TDRD12: variants seen among roughly 807,000 people sequenced by gnomAD.
The protein encoded by TDRD12 is tudor domain containing 12.
A neutral mutation model predicts 133.5 loss-of-function variants in TDRD12; 158 were observed. That is an observed-to-expected ratio of 1.18 (90% CI 1.04 to 1.35). The LOEUF (loss-of-function observed/expected upper bound fraction) is 1.35, where lower values mean the gene tolerates loss of function less well. TDRD12 is among the 40% of genes most tolerant of loss of function. TDRD12 has a pLI of 0.00. For synonymous variants in TDRD12, 460 were observed against 477.9 expected, an observed-to-expected ratio of 0.96 and a Z score of 0.49; for missense variants, 1,443 against 1,321.3, an observed-to-expected ratio of 1.09 and a Z score of -1.43.
intron 4 of TDRD12, among the ~76,000 whole-genome samples, chr19:32,747,042 C>G (rs1969671480): frequency 2.3e-5 from 3 of 131,588 alleles, no homozygotes; most frequent in African/African-American, 6.0e-5. Flanking sequence ...AGGGGAGAGA[C>G]TGGCTGAGGT....
At chr19:32,773,286 G>A (rs1191338826) in intron 9 of TDRD12, among the ~76,000 whole-genome samples, 170 bp from the exon 10 acceptor site, 1 of 152,156 alleles carries the variant, frequency 6.6e-6, no homozygotes, top group African/African-American at 2.4e-5. Flanking sequence ...TATAGCGCTG[G>A]CATAATCACC....
Position 32,773,455 on chromosome 19 carries a change from G to A in TDRD12, c.964-1G>A. On this transcript the variant is annotated splice_acceptor_variant, in intron 9 of 27. Transcript: ENST00000444215. LOFTEE classifies it high-confidence loss of function. Reference sequence around the variant, plus strand: ...TTCTGAAGAAAAGTTTTCTTTTACAGCGTGTTGAATCCTCAGTGTACTGGC... The same window carrying A: ...TTCTGAAGAAAAGTTTTCTTTTACAACGTGTTGAATCCTCAGTGTACTGGC... 6.4e-7 allele frequency: 1 copy of A among 1,551,632 alleles called. No homozygotes were observed. Among genetic ancestry groups the A allele is most frequent in the Non-Finnish European group, 8.7e-7 (1 of 1,146,896 alleles).
Position 32,757,737 on chromosome 19 carries a change from T to C in TDRD12, c.865+607T>C, listed in dbSNP as rs78036203. The stretch of plus-strand genomic sequence containing the variant: ...ACAACCTTGAGCAAAGCAACTTAAT[T>C]TGAGGGGCTGCTGTACTTTGTTTCC... On this transcript the variant is annotated intron_variant, in intron 8 of 27. Transcript: ENST00000444215. Among the ~76,000 whole-genome samples, 1,247 of 152,246 alleles carry C rather than the reference T, an allele frequency of 8.2e-3. 40 individuals are homozygous for C. The East Asian group carries it at 0.1, about 12-fold the overall frequency.
At chr19:32,818,835 G>T (rs926730984) in intron 27 of TDRD12, among the ~76,000 whole-genome samples, 1 of 152,198 alleles carries the variant, frequency 6.6e-6, no homozygotes, top group African/African-American at 2.4e-5. Context: ...AGGTGCAGCT[G>T]CAGACCCAGC....
Position 32,746,215 on chromosome 19 carries a change from TGA to T in TDRD12, c.441-2247_441-2246del, listed in dbSNP as rs1035328878. Among the ~76,000 whole-genome samples, 309 of 144,606 alleles carry T rather than the reference TGA, an allele frequency of 2.1e-3. 4 individuals are homozygous for T. Among genetic ancestry groups the T allele is most frequent in the African/African-American group, 7.1e-3 (275 of 38,858 alleles). The allele number at this position is 144,606 out of a possible 152,430, so 94.9% of individuals were successfully genotyped here. On this transcript the variant is annotated intron_variant, in intron 4 of 27. Transcript: ENST00000444215. ...CTGGCTGATGTGGTTATTCTGTGTG[TGA>T]GAGAGAGAGAGAGTCTGGCTGATGT...
chr19:32,747,650 T>G lies in TDRD12; in HGVS notation c.441-826T>G, dbSNP rs538421805. Among the ~76,000 whole-genome samples the G allele has an allele frequency of 8.5e-5, 13 of 152,272 alleles. No homozygotes were observed. The South Asian group carries it at 2.7e-3, about 32-fold the overall frequency. ...TAAGAAAGATGTAGAAAGGACAAGATGACAGGGGTAAAATGGGAGCCAGTG... is the reference window on the plus strand; with the variant it reads ...TAAGAAAGATGTAGAAAGGACAAGAGGACAGGGGTAAAATGGGAGCCAGTG... On this transcript the variant is annotated intron_variant, in intron 4 of 27. Transcript: ENST00000444215.
chr19:32,734,651 GCATGAATCACTGCGCCTGGC>G (rs1337875585), intron 2 of TDRD12, among the ~76,000 whole-genome samples: 1 of 152,124 alleles, frequency 6.6e-6, no homozygotes, highest in East Asian at 1.9e-4. Flanking sequence ...GGGATTACAG[GCATGAATCACTGCGCCTGGC>G]CCTTTACACT....
At chr19:32,737,989 T>C (rs900167465) in intron 2 of TDRD12, among the ~76,000 whole-genome samples, 1 of 152,006 alleles carries the variant, frequency 6.6e-6, no homozygotes, top group Non-Finnish European at 1.5e-5. Context: ...TTCTTAAAAT[T>C]ATCTGGGCCT....
At chr19:32,738,160 T>TA (rs1417990531) in intron 2 of TDRD12, among the ~76,000 whole-genome samples, 1 of 151,816 alleles carries the variant, frequency 6.6e-6, no homozygotes, top group Non-Finnish European at 1.5e-5. Flanking sequence ...GAGTCATGGG[T>TA]AAGGGAGTGG....
chr19:32,756,554 A>AT (rs1251064832), intron 7 of TDRD12, among the ~76,000 whole-genome samples: 1 of 151,802 alleles, frequency 6.6e-6, no homozygotes, highest in Non-Finnish European at 1.5e-5. Context: ...TGCCTGGCTA[A>AT]TTTTTTTGTA....
rs543175579 is a variant in TDRD12 at position 32,790,487 on chromosome 19, A to G, written c.1122-44A>G. On this transcript the variant is annotated intron_variant, in intron 11 of 27. Coordinates refer to ENST00000444215, the Ensembl canonical transcript of TDRD12. ...CTAAAAGAATAGCTCAACTGAGGAA[A>G]CAAACACCTTTTTCTTCACATTCTT... 5 of 1,532,280 alleles carry G rather than the reference A, an allele frequency of 3.3e-6. No individual in the cohort carries two copies. In the African/African-American group the frequency reaches 6.9e-5, roughly 21 times the overall value. 94.9% of individuals were successfully genotyped at this position (1,532,280 alleles called of 1,614,324 possible). A position where few individuals can be genotyped will look rare whatever the true frequency, so the allele number is the denominator to read the frequency against.
chr19:32,760,534 C>T (rs1486295143), intron 8 of TDRD12, among the ~76,000 whole-genome samples: 1 of 152,112 alleles, frequency 6.6e-6, no homozygotes, highest in Admixed American at 6.6e-5. Context: ...TTTTTATTTG[C>T]AACCTCTTCT....
At chr19:32,789,923 A>G (rs925973180) in intron 11 of TDRD12, among the ~76,000 whole-genome samples, 7 of 151,896 alleles carry the variant, frequency 4.6e-5, no homozygotes, top group Non-Finnish European at 7.4e-5. Flanking sequence ...AATCTCTTGA[A>G]CCTGGGAGGC....
chr19:32,745,949 T>A (rs1475233781), intron 4 of TDRD12, among the ~76,000 whole-genome samples: 32 of 115,344 alleles, frequency 2.8e-4, no homozygotes, highest in African/African-American at 3.8e-4. Flanking sequence ...TGTGTGTGTG[T>A]GAGAGAGAGA....
intron 1 of TDRD12, among the ~76,000 whole-genome samples, chr19:32,731,203 AT>A: frequency 1.3e-5 from 2 of 151,836 alleles, no homozygotes; most frequent in East Asian, 3.9e-4. Context: ...TGCCATTATT[AT>A]TTTTTTTATT....
intron 10 of TDRD12, 80 bp downstream of exon 10, chr19:32,773,612 C>T (rs1028533368): frequency 1.9e-5 from 25 of 1,289,234 alleles, no homozygotes; most frequent in Admixed American, 6.0e-5. Context: ...CTGGGGGGAT[C>T]GCTTAAGCCC....
intron 8 of TDRD12, among the ~76,000 whole-genome samples, chr19:32,765,890 T>TA (rs1970283547): frequency 6.6e-6 from 1 of 150,956 alleles, no homozygotes; most frequent in African/African-American, 2.4e-5. Context: ...AAAGTATAAT[T>TA]TAAAAAAAAA....
downstream of TDRD12, among the ~76,000 whole-genome samples, chr19:32,821,491 C>T (rs1359931820): frequency 6.6e-6 from 1 of 151,916 alleles, no homozygotes; most frequent in African/African-American, 2.4e-5. Context: ...CCTGACTGAC[C>T]ATTCTGATTT....
chr19:32,816,165 T>C (rs8108383), intron 26 of TDRD12, among the ~76,000 whole-genome samples: 89,976 of 152,000 alleles, frequency 0.59, 27,558 homozygotes, highest in East Asian at 0.83. Context: ...TTACCTGTAT[T>C]TCTTACAGAA....
Sources: gnomAD v4.1 joint callset for allele counts (sites outside exome capture counted in the v4.1 genomes callset) on GRCh38, gnomAD v4.1.1 for gene constraint, MANE v1.5 for transcripts, NCBI Gene and HGNC (gene_info 2026-07-23, HGNC 2026-07-21) for gene names.